The following CCDC88C variants were observed in gnomAD, a reference collection of about 807,000 sequenced individuals.
CCDC88C encodes the protein coiled-coil and HOOK domain protein 88C, also known as protein Daple.
Under a neutral mutation model 198.8 loss-of-function variants are expected in CCDC88C, and 131 were observed. That is an observed-to-expected ratio of 0.66 (90% CI 0.57 to 0.76). The LOEUF is 0.76. CCDC88C is among the 30% of genes least tolerant of loss of function. The pLI is 0.00. For missense variants in CCDC88C, 2,553 were observed against 2,631.6 expected, an observed-to-expected ratio of 0.97 and a Z score of 0.65; for synonymous variants, 1,166 against 1,114.7, an observed-to-expected ratio of 1.05 and a Z score of -0.92.
In CCDC88C at chr14:91,324,756, C is replaced by A. The variant is rs201791733; in HGVS notation, c.1342+23G>T. On this transcript the variant is annotated intron_variant, in intron 12 of 29. Coordinates refer to ENST00000389857, the MANE Select transcript of CCDC88C (RefSeq NM_001080414.4). ...AGCGGCGGCCACGGCCAGGCTGGCT[C>A]CCCGGCACCAGGCGCTACCTACCGT... 153 of 1,606,462 alleles carry A rather than the reference C, an allele frequency of 9.5e-5. 2 individuals are homozygous for A. The Admixed American group carries it at 2.4e-3, about 26-fold the overall frequency.
chr14:91,321,793 C>T (rs1892367932), intron 12 of CCDC88C, among the ~76,000 whole-genome samples: 2 of 152,138 alleles, frequency 1.3e-5, no homozygotes, highest in South Asian at 4.1e-4. Context: ...CACTTGTCAG[C>T]CTGGATGAGA....
At chr14:91,363,523 C>T (rs1894400315) in intron 3 of CCDC88C, among the ~76,000 whole-genome samples, 1 of 151,750 alleles carries the variant, frequency 6.6e-6, no homozygotes, top group African/African-American at 2.4e-5. Flanking sequence ...CCAGATTTCA[C>T]AAAATCTAGA....
At chr14:91,312,920 G>C (rs547532394) in intron 15 of CCDC88C, among the ~76,000 whole-genome samples, 160 bp downstream of exon 15, 3 of 152,340 alleles carry the variant, frequency 2.0e-5, no homozygotes, top group African/African-American at 7.2e-5. Flanking sequence ...GTAATACGTG[G>C]TATTCACTGG....
rs908114118 is a variant in CCDC88C at position 91,338,658 on chromosome 14, G to C, written c.810-88C>G. ...CAGGCTGCCACTTCCTAAAACCTGT[G>C]GGAAAAGGAAAGGACTCGGGATTTG... On this transcript the variant is annotated intron_variant, in intron 8 of 29. Transcript: ENST00000389857. This position sits in a 1 kb window ranked among gnomAD's most constrained non-coding sequence, Gnocchi z 4.8. The C allele has an allele frequency of 6.5e-5, 65 of 1,004,342 alleles. No individual in the cohort carries two copies. The highest frequency in any genetic ancestry group is 9.3e-5 in the Non-Finnish European group (61 of 654,234). The allele number at this position is 1,004,342 out of a possible 1,614,324, so 62.2% of individuals were successfully genotyped here.
chr14:91,373,134 G>A (rs554878016), intron 3 of CCDC88C, among the ~76,000 whole-genome samples: 41 of 152,222 alleles, frequency 2.7e-4, no homozygotes, highest in African/African-American at 9.6e-4. Flanking sequence ...TGCACAAACC[G>A]TCCCCAGCCC....
intron 16 of CCDC88C, 104 bp downstream of exon 16, chr14:91,309,755 G>T: frequency 8.1e-7 from 1 of 1,235,020 alleles, no homozygotes; most frequent in South Asian, 1.9e-5. Flanking sequence ...CACAGCCCTC[G>T]GCAGTAGAGA....
At chr14:91,295,656 G>A (rs1404203155) in intron 22 of CCDC88C, among the ~76,000 whole-genome samples, 1 of 152,236 alleles carries the variant, frequency 6.6e-6, no homozygotes, top group East Asian at 1.9e-4. Context: ...TAAGGCATAT[G>A]GGCTCCTGGA....
intron 3 of CCDC88C, among the ~76,000 whole-genome samples, chr14:91,370,748 G>C (rs959765521): frequency 5.3e-5 from 8 of 152,194 alleles, no homozygotes; most frequent in African/African-American, 1.9e-4. Flanking sequence ...CGGGTCAGTA[G>C]GTGGACACAT....
intron 3 of CCDC88C, among the ~76,000 whole-genome samples, chr14:91,373,176 C>T: frequency 6.6e-6 from 1 of 152,164 alleles, no homozygotes; most frequent in Non-Finnish European, 1.5e-5. Context: ...AAGAACTGAG[C>T]TGGGACATCT....
intron 2 of CCDC88C, among the ~76,000 whole-genome samples, chr14:91,415,796 T>C (rs1490048020): frequency 6.6e-6 from 1 of 152,166 alleles, no homozygotes; most frequent in Non-Finnish European, 1.5e-5. Context: ...ATAAGCCACT[T>C]TCTGGATATG....
chr14:91,342,232 G>A (rs936391594), intron 6 of CCDC88C, 148 bp downstream of exon 6: 1 of 485,902 alleles, frequency 2.1e-6, no homozygotes, highest in East Asian at 3.2e-5. Context: ...TAGAATCAAT[G>A]TGTCTGTGGT....
chr14:91,379,691 G>A, intron 3 of CCDC88C: 2 of 608,974 alleles, frequency 3.3e-6, no homozygotes, highest in Non-Finnish European at 2.9e-6. Context: ...CTTGCTGGCT[G>A]TCAGTGCCAC....
intron 18 of CCDC88C, 145 bp downstream of exon 18, chr14:91,306,893 G>A (rs1891577053): frequency 1.2e-5 from 10 of 827,642 alleles, no homozygotes; most frequent in Non-Finnish European, 1.8e-5. Context: ...GGGCCCACAG[G>A]ACCTGCAACT....
chr14:91,330,849 C>G (rs1349817406), intron 10 of CCDC88C, among the ~76,000 whole-genome samples: 1 of 152,016 alleles, frequency 6.6e-6, no homozygotes, highest in Non-Finnish European at 1.5e-5. Context: ...ACTCGAGGGT[C>G]TATGTGTGTG....
intron 3 of CCDC88C, among the ~76,000 whole-genome samples, chr14:91,398,618 C>G (rs1319466836): frequency 1.3e-5 from 2 of 152,086 alleles, no homozygotes; most frequent in Non-Finnish European, 2.9e-5. Flanking sequence ...GATCGCGCCA[C>G]TGCACTCCAG....
intron 13 of CCDC88C, among the ~76,000 whole-genome samples, chr14:91,318,833 G>A (rs1640803017): frequency 6.8e-6 from 1 of 146,272 alleles, no homozygotes; most frequent in Non-Finnish European, 1.5e-5. Context: ...CAGGAGCATC[G>A]CTTGAACCCA....
chr14:91,340,303 G>T (rs745395403), intron 6 of CCDC88C, among the ~76,000 whole-genome samples: 47 of 151,956 alleles, frequency 3.1e-4, no homozygotes, highest in Non-Finnish European at 5.7e-4. Flanking sequence ...ATAGGGTCCT[G>T]GGATAAGATA....
chr14:91,396,830 AC>A (rs757119421), intron 3 of CCDC88C, among the ~76,000 whole-genome samples: 5 of 152,254 alleles, frequency 3.3e-5, no homozygotes, highest in Non-Finnish European at 5.9e-5. Context: ...CTCTGTCTCT[AC>A]AAAAAATCAG....
intron 22 of CCDC88C, among the ~76,000 whole-genome samples, chr14:91,297,051 G>A (rs574399852): frequency 1.4e-4 from 21 of 152,248 alleles, no homozygotes; most frequent in African/African-American, 4.1e-4. Context: ...ATCATCAACC[G>A]TCCCCACTGT....
Sources: allele counts gnomAD v4.1 joint callset (sites outside exome capture counted in the v4.1 genomes callset), GRCh38; gene constraint gnomAD v4.1.1; non-coding constraint Gnocchi (gnomAD v3.1); transcripts MANE v1.5; gene names NCBI Gene and HGNC (gene_info 2026-07-23, HGNC 2026-07-21).